UNC13A: variants seen among roughly 807,000 people sequenced by gnomAD.
The protein encoded by UNC13A is unc-13 homolog A, also known as protein unc-13 homolog A.
In UNC13A, 61 loss-of-function variants were observed where a neutral mutation model predicts 219.7. The ratio of observed to expected loss-of-function variants is 0.28; its 90% CI spans 0.23 to 0.34. The LOEUF is 0.34. Among genes scored for constraint, UNC13A ranks in the 10% least tolerant of loss-of-function variants. The pLI is 1.00. For missense variants in UNC13A, 1,476 were observed against 2,270.3 expected, an observed-to-expected ratio of 0.65 and a Z score of 7.11; for synonymous variants, 920 against 884.6, an observed-to-expected ratio of 1.04 and a Z score of -0.71.
In UNC13A at chr19:17,617,807, G is replaced by A; in HGVS notation, c.4453C>T (p.Leu1485=). 6.2e-7 allele frequency: 1 copy of A among 1,613,970 alleles called. No homozygotes were observed. The highest frequency in any genetic ancestry group is 1.3e-5 in the African/African-American group (1 of 75,050). ...AGGVGLKKTF[L]EKSPDLQSLR... ...GATTGCAGGTCCGGGCTCTTCTCCA[G>A]GAAGGTCTTCTTGAGGCCCACGCCA... The change falls in exon 41 of 44, where the codon CTG becomes TTG. Residue 1485 remains leucine, a synonymous_variant. Coordinates refer to ENST00000519716, the MANE Select transcript of UNC13A (RefSeq NM_001080421.3).
chr19:17,631,274 G>A (rs1398597829), intron 28 of UNC13A, among the ~76,000 whole-genome samples: 2 of 141,998 alleles, frequency 1.4e-5, no homozygotes, highest in Non-Finnish European at 3.1e-5. Context: ...AGGCTAAAGT[G>A]CAGTGGTGCG....
In UNC13A at chr19:17,603,265, G is replaced by A. The variant is rs984410686; in HGVS notation, c.*2789C>T. 4.6e-5 allele frequency: 7 copies of A among 152,072 alleles called. No individual in the cohort carries two copies. The highest frequency in any genetic ancestry group is 8.8e-5 in the Non-Finnish European group (6 of 68,036). The allele number at this position is 152,072 out of a possible 1,614,324, so 9.4% of individuals were successfully genotyped here. A position where few individuals can be genotyped will look rare whatever the true frequency, so the allele number is the denominator to read the frequency against. ...AGGTCTTGAACAGAAAGACTCCTAA[G>A]GAATCTTTTGGGAAATAACTTGGCT... On this transcript the variant is annotated 3_prime_UTR_variant, in exon 44 of 44. Coordinates refer to ENST00000519716, the MANE Select transcript of UNC13A (RefSeq NM_001080421.3).
chr19:17,677,440 C>T (rs569029901), intron 1 of UNC13A, among the ~76,000 whole-genome samples: 9 of 151,480 alleles, frequency 5.9e-5, no homozygotes, highest in Admixed American at 3.3e-4. Flanking sequence ...CTCAGCTCAC[C>T]GCAACTTCTA....
intron 35 of UNC13A, 28 bp from the exon 36 acceptor site, chr19:17,623,575 TGGGGGAG>T: frequency 2.6e-5 from 6 of 232,584 alleles, no homozygotes; most frequent in Non-Finnish European, 4.4e-5. Flanking sequence ...GGCGGGGCGG[TGGGGGAG>T]GGGGGAATAA....
At chr19:17,668,572 C>T (rs2079710719) in intron 5 of UNC13A, among the ~76,000 whole-genome samples, 2 of 152,012 alleles carry the variant, frequency 1.3e-5, no homozygotes, top group African/African-American at 2.4e-5. Flanking sequence ...CTGCAACCTC[C>T]ACCTCCTGGG....
chr19:17,624,402 G>T (rs1303523577), intron 35 of UNC13A, among the ~76,000 whole-genome samples: 1 of 152,130 alleles, frequency 6.6e-6, no homozygotes, highest in Non-Finnish European at 1.5e-5. Context: ...TTGCAGGCGT[G>T]AGCCACGGTG....
intron 4 of UNC13A, among the ~76,000 whole-genome samples, chr19:17,669,948 C>CTT (rs60439472): frequency 6.5e-5 from 7 of 107,178 alleles, no homozygotes; most frequent in Admixed American, 1.0e-4. Context: ...CTTTTCTTTT[C>CTT]TTTTTTTTTT....
chr19:17,613,285 T>C (rs563668333), intron 41 of UNC13A, among the ~76,000 whole-genome samples: 221 of 151,962 alleles, frequency 1.5e-3, no homozygotes, highest in Non-Finnish European at 2.6e-3. Context: ...TGCATGCACC[T>C]GTAGTCCCAG....
rs1323023391 is a variant in UNC13A at position 17,669,687 on chromosome 19, G to C, written c.271-11C>G. 2 of 1,602,734 alleles carry C rather than the reference G, an allele frequency of 1.2e-6. No individual in the cohort carries two copies. Among genetic ancestry groups the C allele is most frequent in the Non-Finnish European group, 1.7e-6 (2 of 1,174,910 alleles). On this transcript the variant is annotated splice_polypyrimidine_tract_variant and intron_variant, in intron 4 of 43. Transcript: ENST00000519716. ...CTCTCCAGGGCCCTCCTGGGGGTTGGGGGAGGAGGTGTGTGGGTCAGGAAT... is the reference window on the plus strand; with the variant it reads ...CTCTCCAGGGCCCTCCTGGGGGTTGCGGGAGGAGGTGTGTGGGTCAGGAAT...
At chr19:17,614,958 G>T (rs149336748) in intron 41 of UNC13A, among the ~76,000 whole-genome samples, 4 of 152,146 alleles carry the variant, frequency 2.6e-5, no homozygotes, top group South Asian at 2.1e-4. Context: ...TAGTAAGAAG[G>T]GGGGAGGGAG....
At chr19:17,621,748 G>T in intron 37 of UNC13A, 84 bp downstream of exon 37, 1 of 1,479,652 alleles carries the variant, frequency 6.8e-7, no homozygotes, top group Non-Finnish European at 9.4e-7. Context: ...TGCCCTTCCT[G>T]CCCAGGTGCA....
rs201914744 is a variant in UNC13A, at chr19:17,655,298, G to A, written c.1368C>T (p.Asn456=). The A allele has an allele frequency of 2.5e-3, 3,998 of 1,584,528 alleles. 4 individuals are homozygous for A. The highest frequency in any genetic ancestry group is 3.0e-3 in the Non-Finnish European group (3,506 of 1,166,654). ...RAKANWLRAF[N]KVRMQLQEAR... is the part of the protein sequence containing the mutation. ...CCTCCTGCAGCTGCATCCGCACCTT[G>A]TTGAAGGCACGCAGCCAGTTGGCCT... Residue 456 remains asparagine, a synonymous_variant, in exon 11 of 44, where the codon AAC becomes AAT. Transcript: ENST00000519716.
intron 9 of UNC13A, among the ~76,000 whole-genome samples, chr19:17,657,722 A>C (rs539561117): frequency 6.6e-6 from 1 of 152,022 alleles, no homozygotes; most frequent in Non-Finnish European, 1.5e-5. Context: ...AAAATAAATT[A>C]GCTTGGTGTG....
Position 17,627,055 on chromosome 19 carries a change from G to T in UNC13A, c.3921-270C>A, listed in dbSNP as rs575858405. Among the ~76,000 whole-genome samples the T allele has an allele frequency of 2.0e-5, 3 of 152,228 alleles. No homozygotes were observed. The highest frequency in any genetic ancestry group is 2.0e-4 in the Admixed American group (3 of 15,284). ...AAAAATACAAAAATTAGCTGGGTGT[G>T]GTGGCATGCACCTGTAGTCCCAGCT... On this transcript the variant is annotated intron_variant, in intron 33 of 43. Coordinates refer to ENST00000519716, the MANE Select transcript of UNC13A (RefSeq NM_001080421.3). The surrounding 1 kb of genome is among the most constrained non-coding windows in gnomAD (Gnocchi z 4.7).
chr19:17,629,957 C>T (rs1227133722), intron 30 of UNC13A, among the ~76,000 whole-genome samples, 188 bp downstream of exon 30: 1 of 151,648 alleles, frequency 6.6e-6, no homozygotes, highest in Non-Finnish European at 1.5e-5. Context: ...CAACTCCAAC[C>T]TCATCTCAAC....
intron 8 of UNC13A, among the ~76,000 whole-genome samples, chr19:17,661,333 C>G (rs36116787): frequency 3.2e-4 from 49 of 151,862 alleles, no homozygotes; most frequent in Non-Finnish European, 6.0e-4. Flanking sequence ...GTTTGTCCAC[C>G]AGGATATGAG....
intron 8 of UNC13A, among the ~76,000 whole-genome samples, chr19:17,660,087 A>T (rs2079525339): frequency 6.6e-6 from 1 of 152,076 alleles, no homozygotes. Context: ...TATTTTGTAG[A>T]GATGGGATCT....
rs372955776 is a variant in UNC13A at position 17,618,243 on chromosome 19, C to G, written c.4410+178G>C. On this transcript the variant is annotated intron_variant, in intron 40 of 43. Coordinates refer to ENST00000519716, the MANE Select transcript of UNC13A (RefSeq NM_001080421.3). ...TCTGTATCCAGCAGTCTTCCCCGAC[C>G]TGGGGCTCCTTAAGGCTCCAGCATT... Among the ~76,000 whole-genome samples, 19 of 152,352 alleles carry G rather than the reference C, an allele frequency of 1.2e-4. No individual in the cohort carries two copies. The East Asian group carries it at 3.5e-3, about 28-fold the overall frequency.
Position 17,605,683 on chromosome 19 carries a change from T to C in UNC13A, c.*371A>G, listed in dbSNP as rs1042615708. ...TCCCAGGGGTCTGGGTCCCATCTTA[T>C]GGCTTTTCCAGGGGACATGAGGTGG... On this transcript the variant is annotated 3_prime_UTR_variant, in exon 44 of 44. Transcript: ENST00000519716. 9 of 203,078 alleles carry C rather than the reference T, an allele frequency of 4.4e-5. No individual in the cohort carries two copies. The allele number at this position is 203,078 out of a possible 1,614,324, so 12.6% of individuals were successfully genotyped here.
Sources: allele counts gnomAD v4.1 joint callset (sites outside exome capture counted in the v4.1 genomes callset), GRCh38; gene constraint gnomAD v4.1.1; non-coding constraint Gnocchi (gnomAD v3.1); transcripts MANE v1.5; gene names NCBI Gene and HGNC (gene_info 2026-07-23, HGNC 2026-07-21).